The following COL6A6 variants were observed in gnomAD, a reference collection of about 807,000 sequenced individuals.
COL6A6 encodes collagen alpha-6(VI) chain.
A neutral mutation model predicts 208.6 loss-of-function variants in COL6A6; 183 were observed. The observed-to-expected ratio is 0.88, with a 90% CI of 0.78 to 0.99. The LOEUF (loss-of-function observed/expected upper bound fraction) is 0.99, where lower values mean the gene tolerates loss of function less well. Among genes scored for constraint, COL6A6 ranks in the 50% least tolerant of loss-of-function variants. The pLI, the probability that COL6A6 is intolerant of heterozygous loss-of-function variation, is 0.00. For synonymous variants in COL6A6, 973 were observed against 1,011.8 expected (o/e 0.96, Z 0.73); for missense variants, 2,816 against 2,815.2 (o/e 1.00, Z -0.01).
At chr3:130,652,780 G>T (rs1559790892) in intron 33 of COL6A6, among the ~76,000 whole-genome samples, 2 of 152,160 alleles carry the variant, frequency 1.3e-5, no homozygotes, top group Admixed American at 6.5e-5. Context: ...GAACTTGAAA[G>T]TCTCATGATA....
At position 130,626,557 on chromosome 3, in the gene COL6A6, T is replaced by C. The variant is rs755270007; in HGVS notation, c.4941+10T>C. 1 of 1,600,778 alleles carries C rather than the reference T, an allele frequency of 6.2e-7. No individual in the cohort carries two copies. The highest frequency in any genetic ancestry group is 2.2e-5 in the East Asian group (1 of 44,824). On this transcript the variant is annotated intron_variant, in intron 25 of 36. Coordinates refer to ENST00000358511, the MANE Select transcript of COL6A6 (RefSeq NM_001102608.3). The stretch of plus-strand genomic sequence containing the variant: ...TCCTCGTGGCTTGCAGGTTTGTATT[T>C]TGACACTAGTTTTGATCGGATTCTT...
intron 23 of COL6A6, among the ~76,000 whole-genome samples, chr3:130,618,078 G>C (rs534277581): frequency 6.6e-6 from 1 of 152,134 alleles, no homozygotes; most frequent in Non-Finnish European, 1.5e-5. Flanking sequence ...TGTGGCCCCA[G>C]CCTTATGCAT....
At chr3:130,643,746 A>C (rs1250284042) in intron 31 of COL6A6, among the ~76,000 whole-genome samples, 2 of 152,236 alleles carry the variant, frequency 1.3e-5, no homozygotes, top group Non-Finnish European at 2.9e-5. Flanking sequence ...TCCAAATAAC[A>C]ATATGACAGA....
intron 2 of COL6A6, among the ~76,000 whole-genome samples, chr3:130,560,740 G>T (rs1382478694): frequency 6.6e-6 from 1 of 152,176 alleles, no homozygotes. Context: ...GGAAAACTTG[G>T]AATGTCCCAT....
rs371853814 is a variant in COL6A6, at chr3:130,610,646, T to C, written c.4753-3T>C. 1.3e-5 allele frequency: 21 copies of C among 1,583,974 alleles called. No homozygotes were observed. In the African/African-American group the frequency reaches 2.4e-4, roughly 18 times the overall value. On this transcript the variant is annotated splice_polypyrimidine_tract_variant and splice_region_variant and intron_variant, in intron 22 of 36. Transcript: ENST00000358511. ...AAATAATGCTTTAATTCTATGTACT[T>C]AGGGCCCAAGAGGAGAGGCTGGTGT... is the stretch of plus-strand genomic sequence containing the variant.
intron 31 of COL6A6, 80 bp from the exon 32 acceptor site, chr3:130,644,911 G>A (rs892305039): frequency 6.7e-6 from 9 of 1,336,638 alleles, no homozygotes; most frequent in Non-Finnish European, 9.7e-6. Flanking sequence ...AGACAGGATA[G>A]AACCTTTCTT....
intron 1 of COL6A6, among the ~76,000 whole-genome samples, chr3:130,518,981 T>A (rs911879596): frequency 2.6e-5 from 4 of 152,226 alleles, no homozygotes; most frequent in Admixed American, 6.5e-5. Context: ...TTTAGTAATT[T>A]AAAAAATTTA....
At chr3:130,673,502 G>T (rs952609397) in intron 36 of COL6A6, among the ~76,000 whole-genome samples, 1 of 152,068 alleles carries the variant, frequency 6.6e-6, no homozygotes, top group Non-Finnish European at 1.5e-5. Context: ...GGGACGCAGC[G>T]TGAAGGGGCT....
chr3:130,553,024 G>T (rs114124437), intron 1 of COL6A6, among the ~76,000 whole-genome samples: 1 of 152,182 alleles, frequency 6.6e-6, no homozygotes, highest in Non-Finnish European at 1.5e-5. Context: ...CTGTTAGCCT[G>T]GTGGGTTCCC....
At chr3:130,634,650 G>C (rs774612769) in intron 27 of COL6A6, 25 bp downstream of exon 27, 1 of 1,581,710 alleles carries the variant, frequency 6.3e-7, no homozygotes, top group Admixed American at 1.7e-5. Flanking sequence ...CTAGTAACTA[G>C]AGATCAGTCA....
At position 130,608,916 on chromosome 3, in the gene COL6A6, C is replaced by A. The variant is rs751358791; in HGVS notation, c.4704C>A (p.Ile1568=). The change falls in exon 22 of 37, where the codon ATC becomes ATA. Residue 1568 remains isoleucine (I), a synonymous_variant. Transcript: ENST00000358511. ...GHTGPQGTAG[I]PGPDGLEGSL... ...TCTCGCCACAGGGAACAGCAGGCAT[C>A]CCAGGACCAGATGGACTTGAAGGCT... 6.2e-7 allele frequency: 1 copy of A among 1,613,338 alleles called. No homozygotes were observed.
intron 10 of COL6A6, 21 bp from the exon 11 acceptor site, chr3:130,586,485 A>T: frequency 6.3e-7 from 1 of 1,596,120 alleles, no homozygotes; most frequent in Admixed American, 1.8e-5. Flanking sequence ...CACCTGGAAC[A>T]TTGTAAACTG....
At chr3:130,626,399 A>G (rs776293814) in intron 24 of COL6A6, 86 bp from the exon 25 acceptor site, 26 of 968,732 alleles carry the variant, frequency 2.7e-5, no homozygotes, top group South Asian at 3.9e-5. Context: ...GCACAAACCC[A>G]TTGTTGTGTG....
At chr3:130,609,595 C>T (rs2064292595) in intron 22 of COL6A6, among the ~76,000 whole-genome samples, 1 of 152,060 alleles carries the variant, frequency 6.6e-6, no homozygotes, top group South Asian at 2.1e-4. Flanking sequence ...AAAGGAAATC[C>T]TAGCAAATAC....
chr3:130,663,669 G>T (rs1456766561), intron 35 of COL6A6, among the ~76,000 whole-genome samples: 1 of 152,064 alleles, frequency 6.6e-6, no homozygotes, highest in Non-Finnish European at 1.5e-5. Flanking sequence ...AAAATTCTTG[G>T]TAGTGTTTCA....
At chr3:130,562,466 C>T (rs1294027224) in intron 2 of COL6A6, among the ~76,000 whole-genome samples, 2 of 151,952 alleles carry the variant, frequency 1.3e-5, no homozygotes. Context: ...TTAAAATAAC[C>T]TTGAAAAAGA....
chr3:130,516,930 T>C (rs1235242833), upstream of COL6A6, among the ~76,000 whole-genome samples: 1 of 152,132 alleles, frequency 6.6e-6, no homozygotes, highest in Non-Finnish European at 1.5e-5. Context: ...GCGCGTACCA[T>C]GAAAGCCCCA....
chr3:130,611,198 G>A (rs2064348041), intron 23 of COL6A6, among the ~76,000 whole-genome samples: 1 of 151,566 alleles, frequency 6.6e-6, no homozygotes, highest in African/African-American at 2.4e-5. Flanking sequence ...ACCTAGGGTT[G>A]GGAATGACTG....
intron 8 of COL6A6, among the ~76,000 whole-genome samples, chr3:130,576,068 A>G (rs1177513697): frequency 1.3e-5 from 2 of 152,064 alleles, no homozygotes; most frequent in Non-Finnish European, 2.9e-5. Flanking sequence ...TTGCTCTTCT[A>G]CTCAGCCATA....
Sources: gnomAD v4.1 joint callset for allele counts (sites outside exome capture counted in the v4.1 genomes callset) on GRCh38, gnomAD v4.1.1 for gene constraint, MANE v1.5 for transcripts, NCBI Gene and HGNC (gene_info 2026-07-23, HGNC 2026-07-21) for gene names.